The following AP3M2 variants were observed in gnomAD, a reference collection of about 807,000 sequenced individuals.
The protein encoded by AP3M2 is AP-3 complex subunit mu-2.
AP3M2 carries 28 observed loss-of-function variants against 41.6 expected under a neutral mutation model. That is an observed-to-expected ratio of 0.67 (90% CI 0.50 to 0.92). AP3M2 has a LOEUF of 0.92. Ranked by LOEUF, AP3M2 falls within the 40% of genes least tolerant of loss-of-function variation. The pLI is 0.00. For synonymous variants in AP3M2, 193 were observed against 186.4 expected (o/e 1.04, Z -0.29); for missense variants, 427 against 521.4 (o/e 0.82, Z 1.76).
chr8:42,167,346 C>T lies in AP3M2; in HGVS notation c.986C>T (p.Thr329Ile). Residue 329 changes from threonine to isoleucine, a missense_variant, in exon 7 of 9, where the codon ACA (threonine) becomes ATA (isoleucine). Coordinates refer to ENST00000396926, the MANE Select transcript of AP3M2 (RefSeq NM_006803.4). Reference protein sequence around the residue: ...LNMSLTPSQGTHTFDPVTKML... With the variant: ...LNMSLTPSQGIHTFDPVTKML... Reference sequence around the variant, plus strand: ...ATGAGCCTTACTCCATCACAGGGGACACACACATTCGACCCAGTCACAAAG... The same window carrying T: ...ATGAGCCTTACTCCATCACAGGGGATACACACATTCGACCCAGTCACAAAG... 1 of 1,614,158 alleles carries T rather than the reference C, an allele frequency of 6.2e-7. No individual in the cohort carries two copies. The highest frequency in any genetic ancestry group is 8.5e-7 in the Non-Finnish European group (1 of 1,180,014).
chr8:42,158,161 G>A (rs1163776015), intron 3 of AP3M2, 49 bp downstream of exon 3: 1 of 1,580,708 alleles, frequency 6.3e-7, no homozygotes, highest in African/African-American at 1.3e-5. Context: ...TACAGCCTGA[G>A]TGGCTTAGTC....
chr8:42,168,218 A>G (rs1804693034), intron 8 of AP3M2: 1 of 458,440 alleles, frequency 2.2e-6, no homozygotes, highest in South Asian at 1.5e-5. Flanking sequence ...GTTTGCTCTT[A>G]TTTCTATTTT....
chr8:42,156,619 C>T (rs1804360775), intron 2 of AP3M2, among the ~76,000 whole-genome samples: 1 of 152,116 alleles, frequency 6.6e-6, no homozygotes, highest in South Asian at 2.1e-4. Context: ...TTTAAATTAT[C>T]ATTCAAAATG....
intron 6 of AP3M2, chr8:42,166,870 C>A: frequency 2.8e-6 from 1 of 360,394 alleles, no homozygotes; most frequent in Non-Finnish European, 5.2e-6. Flanking sequence ...AACATGGAGA[C>A]ATAATGACAA....
In AP3M2 at chr8:42,167,339, CAG is replaced by C. The variant is rs767484439; in HGVS notation, c.980_981del (p.Gln327ArgfsTer42). The C allele has an allele frequency of 5.0e-6, 8 of 1,614,062 alleles. No homozygotes were observed. Among genetic ancestry groups the C allele is most frequent in the South Asian group, 1.1e-5 (1 of 91,078 alleles). On this transcript the variant is annotated frameshift_variant, in exon 7 of 9. Transcript: ENST00000396926. LOFTEE classifies it high-confidence loss of function. ...GVLNMSLTPS[Q>X]GTHTFDPVTK... ...CCTGAACATGAGCCTTACTCCATCA[CAG>C]GGGACACACACATTCGACCCAGTCA...
intron 6 of AP3M2, among the ~76,000 whole-genome samples, chr8:42,166,096 G>A (rs1804630925): frequency 6.6e-6 from 1 of 152,206 alleles, no homozygotes; most frequent in Non-Finnish European, 1.5e-5. Flanking sequence ...GTGTGATGTG[G>A]AATGAATCAT....
rs1414154893 is a variant in AP3M2, at chr8:42,168,973, A to G, written c.1169A>G (p.Asn390Ser). ...CCCTCCTTTCTAGGACTCAAGGTGA[A>G]TCGTCTGGATATGTATGGAGAAAAG... is the stretch of plus-strand genomic sequence containing the variant. ...QQLAISGLKVNRLDMYGEKYK... is the reference protein window; with the variant it reads ...QQLAISGLKVSRLDMYGEKYK... The change falls in exon 9 of 9, where the codon AAT becomes AGT. Residue 390 changes from asparagine to serine, a missense_variant. By Grantham distance (46) the Asn-to-Ser change is conservative (BLOSUM62 1). Coordinates refer to ENST00000396926, the MANE Select transcript of AP3M2 (RefSeq NM_006803.4). The G allele has an allele frequency of 1.2e-6, 2 of 1,603,744 alleles. No individual in the cohort carries two copies. The highest frequency in any genetic ancestry group is 1.7e-6 in the Non-Finnish European group (2 of 1,176,134).
chr8:42,168,510 A>G (rs1044617502), intron 8 of AP3M2, among the ~76,000 whole-genome samples: 3 of 152,252 alleles, frequency 2.0e-5, no homozygotes, highest in African/African-American at 7.2e-5. Context: ...ACAATAAACT[A>G]TAAAGCTCTA....
chr8:42,169,013 G>T lies in AP3M2; in HGVS notation c.1209G>T (p.Lys403Asn). 1 of 1,612,030 alleles carries T rather than the reference G, an allele frequency of 6.2e-7. No homozygotes were observed. The highest frequency in any genetic ancestry group is 1.1e-5 in the South Asian group (1 of 90,702). ...ATGGAGAAAAGTACAAACCCTTTAA[G>T]GGCATAAAATACATGACCAAAGCTG... is the stretch of plus-strand genomic sequence containing the variant. ...DMYGEKYKPF[K>N]GIKYMTKAGK... The change falls in exon 9 of 9, where the codon AAG (lysine) becomes AAT (asparagine). Residue 403 changes from lysine (K) to asparagine (N), a missense_variant. This residue lies in a region of AP3M2 where 237 missense variants were observed against 284.9 expected (regional missense o/e 0.83). Transcript: ENST00000396926.
rs572398880 is a variant in AP3M2 at position 42,156,712 on chromosome 8, T to C, written c.274-1229T>C. Among the ~76,000 whole-genome samples, 210 of 152,348 alleles carry C rather than the reference T, an allele frequency of 1.4e-3. 6 individuals carry two copies. The highest frequency in any genetic ancestry group is 0.014 in the Admixed American group (209 of 15,306). Reference sequence around the variant, plus strand: ...AGGTGACCCGGGTATTGGAATCTTGTGGATAATTGACGTTATCTAATGTAA... The same window carrying C: ...AGGTGACCCGGGTATTGGAATCTTGCGGATAATTGACGTTATCTAATGTAA... On this transcript the variant is annotated intron_variant, in intron 2 of 8. Transcript: ENST00000396926.
intron 4 of AP3M2, among the ~76,000 whole-genome samples, chr8:42,164,383 A>G (rs1804584338): frequency 6.6e-6 from 1 of 152,208 alleles, no homozygotes; most frequent in African/African-American, 2.4e-5. Context: ...GAACTTGAAA[A>G]AAGAATAGGT....
intron 6 of AP3M2, 158 bp downstream of exon 6, chr8:42,165,718 C>T (rs1804622684): frequency 4.3e-6 from 3 of 704,318 alleles, no homozygotes; most frequent in Admixed American, 3.0e-5. Context: ...TTGCTTAACC[C>T]CTATGTATCT....
chr8:42,164,405 G>A (rs1405107397), intron 4 of AP3M2, among the ~76,000 whole-genome samples: 1 of 152,184 alleles, frequency 6.6e-6, no homozygotes, highest in African/African-American at 2.4e-5. Context: ...ATAATGGGCT[G>A]TAAATGAACA....
rs1419076150 is a variant in AP3M2, at chr8:42,170,600, A to G, written c.*1539A>G. 1 of 152,278 alleles carries G rather than the reference A, an allele frequency of 6.6e-6. No individual in the cohort carries two copies. The highest frequency in any genetic ancestry group is 2.4e-5 in the African/African-American group (1 of 41,456). 9.4% of individuals were successfully genotyped at this position (152,278 alleles called of 1,614,324 possible). On this transcript the variant is annotated 3_prime_UTR_variant, in exon 9 of 9. Transcript: ENST00000396926. ...AGAGCTTTTCTCTAAATATTGTGCA[A>G]AGTTTTTGCTAGTTTTATCTTCTGA...
At chr8:42,155,179 A>G (rs1212105891) in intron 2 of AP3M2, among the ~76,000 whole-genome samples, 2 of 152,198 alleles carry the variant, frequency 1.3e-5, no homozygotes, top group Non-Finnish European at 2.9e-5. Context: ...TGCGTGGGAA[A>G]GTCATCCTAT....
At position 42,158,810 on chromosome 8, in the gene AP3M2, T is replaced by C. The variant is rs567581521; in HGVS notation, c.445+698T>C. On this transcript the variant is annotated intron_variant, in intron 3 of 8. Coordinates refer to ENST00000396926, the MANE Select transcript of AP3M2 (RefSeq NM_006803.4). ...TTCTACATGGTTCTTTTTTTTTTTT[T>C]TGAGATGGCGTCTTGCTCTGTTGCC... is the stretch of plus-strand genomic sequence containing the variant. 5.3e-5 allele frequency among the ~76,000 whole-genome samples: 8 copies of C among 152,084 alleles called. No individual in the cohort carries two copies. The South Asian group carries it at 1.5e-3, about 28-fold the overall frequency.
chr8:42,154,375 G>C lies in AP3M2; in HGVS notation c.-72-241G>C, dbSNP rs573754660. The C allele has an allele frequency of 2.4e-5, 6 of 249,038 alleles. No individual in the cohort carries two copies. In the South Asian group the frequency reaches 4.0e-4, roughly 17 times the overall value. 15.4% of individuals were successfully genotyped at this position (249,038 alleles called of 1,614,324 possible). A position where few individuals can be genotyped will look rare whatever the true frequency, so the allele number is the denominator to read the frequency against. ...TCGGTTGAGAAAATAGACACCCACA[G>C]ATAAGTAGTATTTTAAATGGATGCA... is the stretch of plus-strand genomic sequence containing the variant. On this transcript the variant is annotated intron_variant, in intron 1 of 8. Transcript: ENST00000396926.
chr8:42,154,431 A>G (rs553291779), intron 1 of AP3M2, 185 bp from the exon 2 acceptor site: 3 of 443,078 alleles, frequency 6.8e-6, no homozygotes, highest in Non-Finnish European at 1.2e-5. Context: ...AACTGGGAGT[A>G]TATGATTGAC....
chr8:42,165,024 A>G (rs762809479), intron 4 of AP3M2, 47 bp from the exon 5 acceptor site: 3 of 1,541,590 alleles, frequency 1.9e-6, no homozygotes, highest in South Asian at 1.2e-5. Flanking sequence ...AGAAGGACAG[A>G]GAAGTATTCA....
Sources: allele counts gnomAD v4.1 joint callset (sites outside exome capture counted in the v4.1 genomes callset), GRCh38; gene constraint gnomAD v4.1.1; regional missense constraint gnomAD v4.1.1; transcripts MANE v1.5; gene names NCBI Gene and HGNC (gene_info 2026-07-23, HGNC 2026-07-21).